Variants in SLC2A9 observed in about 807,000 individuals in gnomAD.
SLC2A9 encodes solute carrier family 2 member 9, also known as solute carrier family 2, facilitated glucose transporter member 9.
In SLC2A9, 39 loss-of-function variants were observed where a neutral mutation model predicts 50.6. The observed-to-expected ratio is 0.77, with a 90% CI of 0.60 to 1.01. SLC2A9 has a LOEUF of 1.01. SLC2A9 is among the 50% of genes least tolerant of loss of function. The pLI is 0.00. For synonymous variants in SLC2A9, 324 were observed against 276.9 expected, an observed-to-expected ratio of 1.17 and a Z score of -1.69; for missense variants, 686 against 677.6, an observed-to-expected ratio of 1.01 and a Z score of -0.14.
intron 3 of SLC2A9, among the ~76,000 whole-genome samples, chr4:9,811,820 A>G (rs1722934859): frequency 6.6e-6 from 1 of 152,202 alleles, no homozygotes; most frequent in African/African-American, 2.4e-5. Flanking sequence ...GGCCAAGCTG[A>G]GAAGACACAA....
intron 11 of SLC2A9, among the ~76,000 whole-genome samples, chr4:9,832,094 T>G (rs374511456): frequency 6.6e-6 from 1 of 152,206 alleles, no homozygotes; most frequent in African/African-American, 2.4e-5. Flanking sequence ...TATTTGGTCA[T>G]GGCGGCCCGA....
intron 7 of SLC2A9, among the ~76,000 whole-genome samples, chr4:9,917,824 C>T (rs1036452024): frequency 1.4e-4 from 21 of 152,158 alleles, no homozygotes; most frequent in Admixed American, 7.9e-4. Flanking sequence ...GCTACTGGTA[C>T]CTAATGGGAA....
At chr4:9,892,258 CTCAG>C (rs1452354504) in intron 8 of SLC2A9, among the ~76,000 whole-genome samples, 3 of 152,232 alleles carry the variant, frequency 2.0e-5, no homozygotes, top group Non-Finnish European at 4.4e-5. Context: ...CCATGGACCT[CTCAG>C]TCACCTGGGC....
At chr4:9,987,971 A>G (rs1757024393) in intron 3 of SLC2A9, among the ~76,000 whole-genome samples, 1 of 152,268 alleles carries the variant, frequency 6.6e-6, no homozygotes, top group Non-Finnish European at 1.5e-5. Flanking sequence ...ATGCCACCAT[A>G]AGAACTAGCG....
At chr4:9,945,754 G>C (rs1388206274) in intron 5 of SLC2A9, among the ~76,000 whole-genome samples, 1 of 152,150 alleles carries the variant, frequency 6.6e-6, no homozygotes, top group African/African-American at 2.4e-5. Context: ...TGGAGCTCCT[G>C]GGCACTTGGT....
chr4:9,782,075 G>C lies in SLC2A9; in HGVS notation n.386-2010C>G, dbSNP rs773728722. ...CGGCACCGCGTACCCGGGGCAGTTC[G>C]CTCTATACCAGCAGCTGGCGCAGGG... On this transcript the variant is annotated intron_variant and non_coding_transcript_variant, in intron 3 of 3. Transcript: ENST00000503803. 11 of 1,506,844 alleles carry C rather than the reference G, an allele frequency of 7.3e-6. No individual in the cohort carries two copies. The highest frequency in any genetic ancestry group is 8.8e-6 in the Non-Finnish European group (10 of 1,130,992). The allele number at this position is 1,506,844 out of a possible 1,614,324, so 93.3% of individuals were successfully genotyped here. A position where few individuals can be genotyped will look rare whatever the true frequency, so the allele number is the denominator to read the frequency against.
At chr4:9,822,913 T>A (rs550139269), downstream of SLC2A9, among the ~76,000 whole-genome samples, 1 of 152,322 alleles carries the variant, frequency 6.6e-6, no homozygotes, top group South Asian at 2.1e-4. Context: ...TCCATGTCCA[T>A]TGCACAGTTT....
At chr4:9,934,560 C>A (rs1264172728) in intron 6 of SLC2A9, among the ~76,000 whole-genome samples, 1 of 152,168 alleles carries the variant, frequency 6.6e-6, no homozygotes. Flanking sequence ...CAGCACTATC[C>A]TAGCCATGAG....
chr4:9,817,165 T>C (rs1723716673), intron 3 of SLC2A9, among the ~76,000 whole-genome samples: 1 of 152,218 alleles, frequency 6.6e-6, no homozygotes, highest in African/African-American at 2.4e-5. Context: ...TATGAGGACA[T>C]TGGGTTTACC....
At chr4:10,036,593 C>A (rs977718437) in intron 1 of SLC2A9, among the ~76,000 whole-genome samples, 1 of 152,182 alleles carries the variant, frequency 6.6e-6, no homozygotes, top group Non-Finnish European at 1.5e-5. Context: ...ACATTAGCAT[C>A]ATTTTACATG....
At chr4:9,782,706 C>G in intron 3 of SLC2A9, 1 of 1,614,030 alleles carries the variant, frequency 6.2e-7, no homozygotes, top group South Asian at 1.1e-5. Context: ...CGAACCTACG[C>G]CATCTCTTCC....
rs36144026 is a variant in SLC2A9, at chr4:9,788,356, AT to A, written n.386-8292del. Among the ~76,000 whole-genome samples, 13 of 136,874 alleles carry A rather than the reference AT, an allele frequency of 9.5e-5. No individual in the cohort carries two copies. The South Asian group carries it at 9.7e-4, about 10-fold the overall frequency. 89.8% of individuals were successfully genotyped at this position (136,874 alleles called of 152,430 possible). A position where few individuals can be genotyped will look rare whatever the true frequency, so the allele number is the denominator to read the frequency against. On this transcript the variant is annotated intron_variant and non_coding_transcript_variant, in intron 3 of 3. Coordinates refer to the SLC2A9 transcript ENST00000503803. ...AGTCATATGCCACCATGCCCAGGTA[AT>A]TTTTTTTTTTTTTTGTAGAGACGGG...
At chr4:9,906,862 C>A (rs1183847307) in intron 8 of SLC2A9, among the ~76,000 whole-genome samples, 1 of 152,196 alleles carries the variant, frequency 6.6e-6, no homozygotes, top group African/African-American at 2.4e-5. Context: ...GTGAAACTTC[C>A]AGAATGTGAA....
intron 1 of SLC2A9, among the ~76,000 whole-genome samples, chr4:10,028,235 G>C (rs1349991532): frequency 1.3e-5 from 2 of 152,200 alleles, no homozygotes; most frequent in Non-Finnish European, 2.9e-5. Context: ...ATATGGATTT[G>C]ACAACTTGGG....
rs562577592 is a variant in SLC2A9 at position 9,973,482 on chromosome 4, C to T, written c.681+7110G>A. Among the ~76,000 whole-genome samples the T allele has an allele frequency of 1.1e-3, 168 of 151,772 alleles. 5 individuals carry two copies. The South Asian group carries it at 0.034, about 31-fold the overall frequency. On this transcript the variant is annotated intron_variant, in intron 5 of 11. Transcript: ENST00000264784. ...CCAATACCAAAACCTGGCAAAGATA[C>T]AATAAAAAGAAAATGTGGCACATAT... is the stretch of plus-strand genomic sequence containing the variant.
downstream of SLC2A9, among the ~76,000 whole-genome samples, chr4:9,777,339 G>C (rs1717704337): frequency 6.6e-6 from 1 of 151,194 alleles, no homozygotes; most frequent in Non-Finnish European, 1.5e-5. Flanking sequence ...CTGTTACCGA[G>C]GCTGGAGTGC....
chr4:9,809,340 T>C (rs1339977620), intron 3 of SLC2A9, among the ~76,000 whole-genome samples: 1 of 152,170 alleles, frequency 6.6e-6, no homozygotes, highest in East Asian at 1.9e-4. Context: ...ATGTTAGTGT[T>C]GCTCTGAAGC....
downstream of SLC2A9, among the ~76,000 whole-genome samples, chr4:9,774,915 A>C (rs4096271): frequency 3.3e-5 from 5 of 152,076 alleles, no homozygotes; most frequent in African/African-American, 1.2e-4. Flanking sequence ...CCCACCACAT[A>C]CCAGCAGAGC....
At chr4:9,997,252 T>C (rs1758842269) in intron 2 of SLC2A9, among the ~76,000 whole-genome samples, 1 of 152,166 alleles carries the variant, frequency 6.6e-6, no homozygotes, top group African/African-American at 2.4e-5. Context: ...ATTTTGGAGA[T>C]AGGGAAACTG....
Sources: gnomAD v4.1 joint callset for allele counts (sites outside exome capture counted in the v4.1 genomes callset) on GRCh38, gnomAD v4.1.1 for gene constraint, MANE v1.5 for transcripts, NCBI Gene and HGNC (gene_info 2026-07-23, HGNC 2026-07-21) for gene names.